The following PDE4C variants were observed in gnomAD, a reference collection of about 807,000 sequenced individuals.
PDE4C encodes 3',5'-cyclic-AMP phosphodiesterase 4C.
In PDE4C, 50 loss-of-function variants were observed where a neutral mutation model predicts 63.9. The ratio of observed to expected loss-of-function variants is 0.78; its 90% confidence interval spans 0.62 to 0.99. The LOEUF is 0.99. Ranked by LOEUF, PDE4C falls within the 50% of genes least tolerant of loss-of-function variation. PDE4C has a pLI of 0.00. For synonymous variants in PDE4C, 377 were observed against 385.1 expected (o/e 0.98, Z 0.25); for missense variants, 777 against 899.1 (o/e 0.86, Z 1.74).
upstream of PDE4C, among the ~76,000 whole-genome samples, chr19:18,231,266 C>T (rs921189386): frequency 1.4e-4 from 22 of 152,334 alleles, no homozygotes; most frequent in Admixed American, 1.3e-3. Context: ...GCATACGATG[C>T]GCAGAACGAC....
In PDE4C at chr19:18,218,291, G is replaced by C. The variant is rs376275979; in HGVS notation, c.1134+43C>G. 1.9e-5 allele frequency: 30 copies of C among 1,613,054 alleles called. No homozygotes were observed. In the African/African-American group the frequency reaches 3.9e-4, roughly 21 times the overall value. On this transcript the variant is annotated intron_variant, in intron 10 of 14. Transcript: ENST00000262805. ...ACAGGCGGTGAGGGGCGGGTTCTCT[G>C]GGCCCTGCACCCGCCCACCTGCCTG...
upstream of PDE4C, chr19:18,252,048 ATCTCT>A: frequency 2.5e-6 from 1 of 398,452 alleles, no homozygotes; most frequent in Non-Finnish European, 4.4e-6. Context: ...AAACACCCAA[ATCTCT>A]TAATACTCAC....
chr19:18,243,567 A>T (rs1969079811), intron 1 of PDE4C, among the ~76,000 whole-genome samples: 1 of 152,192 alleles, frequency 6.6e-6, no homozygotes, highest in Non-Finnish European at 1.5e-5. Flanking sequence ...CATGAGTCCC[A>T]GATGGAGCCA....
upstream of PDE4C, among the ~76,000 whole-genome samples, chr19:18,233,878 C>T (rs1487763497): frequency 2.0e-5 from 3 of 152,148 alleles, no homozygotes; most frequent in East Asian, 1.9e-4. Context: ...TTCTGGTCTT[C>T]GGAGGTACGT....
chr19:18,214,821 G>C (rs181904119), intron 12 of PDE4C, among the ~76,000 whole-genome samples: 1 of 151,908 alleles, frequency 6.6e-6, no homozygotes, highest in African/African-American at 2.4e-5. Context: ...GTGGTGGCAG[G>C]CACCTGTAAT....
exon 8 of PDE4C, chr19:18,219,378 C>T (rs1968361698): frequency 6.2e-7 from 1 of 1,608,000 alleles, no homozygotes; most frequent in African/African-American, 1.3e-5. Flanking sequence ...CCTTGGGCAG[C>T]TCCACCTCGG....
At position 18,218,882 on chromosome 19, in the gene PDE4C, G is replaced by A; in HGVS notation, c.969+58C>T. The A allele has an allele frequency of 5.1e-6, 6 of 1,183,248 alleles. No homozygotes were observed. In the South Asian group the frequency reaches 6.0e-5, roughly 12 times the overall value. 73.3% of individuals were successfully genotyped at this position (1,183,248 alleles called of 1,614,324 possible). On this transcript the variant is annotated intron_variant, in intron 9 of 14. Transcript: ENST00000262805. ...TGAGTGTCCCTGAGGTCTGTGGTAG[G>A]AAGCAGTGAGGGAAACCCCAGGAGT... is the stretch of plus-strand genomic sequence containing the variant.
At chr19:18,219,191 C>T in intron 8 of PDE4C, 43 bp downstream of exon 8, 1 of 1,613,416 alleles carries the variant, frequency 6.2e-7, no homozygotes, top group South Asian at 1.1e-5. Flanking sequence ...CAGACAGAGC[C>T]AGGGACCAAA....
chr19:18,241,427 C>T (rs1015580139), intron 1 of PDE4C, among the ~76,000 whole-genome samples: 5 of 151,538 alleles, frequency 3.3e-5, no homozygotes, highest in South Asian at 4.2e-4. Flanking sequence ...CCACCATGCC[C>T]GGCTAATTTT....
At chr19:18,249,608 C>G (rs1406584920), upstream of PDE4C, among the ~76,000 whole-genome samples, 1 of 142,312 alleles carries the variant, frequency 7.0e-6, no homozygotes, top group African/African-American at 2.7e-5. Context: ...GAGTCTTGCT[C>G]TGTTGCCCAG....
At chr19:18,219,164 GC>G (rs1968348244) in intron 8 of PDE4C, 69 bp downstream of exon 8, 1 of 1,606,518 alleles carries the variant, frequency 6.2e-7, no homozygotes, top group African/African-American at 1.3e-5. Context: ...GGGCAAACAG[GC>G]CCGAGATAGG....
At chr19:18,248,789 C>T (rs558088886), upstream of PDE4C, among the ~76,000 whole-genome samples, 244 of 152,016 alleles carry the variant, frequency 1.6e-3, 1 homozygote, top group Non-Finnish European at 3.1e-3. Context: ...CTTTGGGAGG[C>T]GGAGGCGGGT....
intron 12 of PDE4C, among the ~76,000 whole-genome samples, chr19:18,214,882 G>A (rs139854545): frequency 1.3e-5 from 2 of 151,100 alleles, no homozygotes; most frequent in Non-Finnish European, 2.9e-5. Flanking sequence ...CCAGGAGGTG[G>A]AGGTTGCAGT....
upstream of PDE4C, among the ~76,000 whole-genome samples, chr19:18,238,218 C>A (rs112807195): frequency 1.0e-3 from 153 of 151,732 alleles, no homozygotes; most frequent in African/African-American, 3.6e-3. Context: ...GAGTGAGACC[C>A]CCTGTATCTC....
intron 11 of PDE4C, 72 bp downstream of exon 11, chr19:18,218,077 G>T: frequency 1.7e-6 from 2 of 1,161,970 alleles, no homozygotes; most frequent in Non-Finnish European, 2.6e-6. Context: ...GGAACCCCCT[G>T]AGATCACCTG....
At chr19:18,215,649 A>G (rs1165371919) in intron 12 of PDE4C, among the ~76,000 whole-genome samples, 2 of 143,804 alleles carry the variant, frequency 1.4e-5, no homozygotes, top group African/African-American at 2.6e-5. Flanking sequence ...CGAGTAGCTG[A>G]GACTACAGGT....
exon 1 of PDE4C, chr19:18,233,148 C>A: frequency 6.4e-7 from 1 of 1,558,778 alleles, no homozygotes; most frequent in Non-Finnish European, 8.7e-7. Flanking sequence ...GCGACTCAAC[C>A]TGCTGCAAGC....
chr19:18,223,591 G>A (rs908180385), intron 1 of PDE4C, among the ~76,000 whole-genome samples: 9 of 151,980 alleles, frequency 5.9e-5, no homozygotes, highest in Non-Finnish European at 1.3e-4. Context: ...TGATCTGCCC[G>A]CCTCGGCCTA....
chr19:18,228,992 A>G (rs1343557616), upstream of PDE4C, among the ~76,000 whole-genome samples: 8 of 151,872 alleles, frequency 5.3e-5, no homozygotes, highest in African/African-American at 1.7e-4. Flanking sequence ...CTGGAGTGCA[A>G]TGGCACAATC....
Sources: allele counts gnomAD v4.1 joint callset (sites outside exome capture counted in the v4.1 genomes callset), GRCh38; gene constraint gnomAD v4.1.1; transcripts MANE v1.5; gene names NCBI Gene and HGNC (gene_info 2026-07-23, HGNC 2026-07-21).